The following BAIAP2L1 variants were observed in gnomAD, a reference collection of about 807,000 sequenced individuals.
BAIAP2L1 encodes the protein BAR/IMD domain-containing adapter protein 2-like 1.
A neutral mutation model predicts 66.3 loss-of-function variants in BAIAP2L1; 35 were observed. That is an observed-to-expected ratio of 0.53 (90% CI 0.40 to 0.70). BAIAP2L1 has a LOEUF of 0.70. Ranked by LOEUF, BAIAP2L1 falls within the 30% of genes least tolerant of loss-of-function variation. The pLI, the probability that BAIAP2L1 is intolerant of heterozygous loss-of-function variation, is 0.00. For synonymous variants in BAIAP2L1, 269 were observed against 248.7 expected, an observed-to-expected ratio of 1.08 and a Z score of -0.77; for missense variants, 622 against 656.9, an observed-to-expected ratio of 0.95 and a Z score of 0.58.
chr7:98,337,635 T>C (rs906524177), intron 3 of BAIAP2L1, among the ~76,000 whole-genome samples: 1 of 152,224 alleles, frequency 6.6e-6, no homozygotes, highest in African/African-American at 2.4e-5. Flanking sequence ...GTTGGGTATG[T>C]GGCCGGGCGC....
At chr7:98,304,095 C>G (rs892344466) in intron 12 of BAIAP2L1, 101 bp downstream of exon 12, 2 of 1,279,578 alleles carry the variant, frequency 1.6e-6, no homozygotes, top group African/African-American at 1.5e-5. Flanking sequence ...CACTCTCCCC[C>G]TGGGGACAGA....
chr7:98,314,620 A>C (rs1801003004), intron 7 of BAIAP2L1, among the ~76,000 whole-genome samples: 1 of 152,192 alleles, frequency 6.6e-6, no homozygotes, highest in Admixed American at 6.5e-5. Context: ...CATTCAGTTG[A>C]ATAAACCAGG....
chr7:98,351,693 A>G (rs1802004777), intron 3 of BAIAP2L1, among the ~76,000 whole-genome samples: 2 of 152,144 alleles, frequency 1.3e-5, no homozygotes, highest in South Asian at 4.1e-4. Flanking sequence ...ATAAACTGAC[A>G]ACCTGCTGCT....
intron 1 of BAIAP2L1, among the ~76,000 whole-genome samples, chr7:98,390,504 G>A (rs1048335059): frequency 5.9e-5 from 9 of 151,610 alleles, no homozygotes; most frequent in South Asian, 2.1e-4. Flanking sequence ...CGAGGCGGGC[G>A]GATCACAAGG....
chr7:98,335,868 C>A (rs903576740), intron 3 of BAIAP2L1, among the ~76,000 whole-genome samples: 2 of 152,138 alleles, frequency 1.3e-5, no homozygotes, highest in African/African-American at 4.8e-5. Flanking sequence ...TACAGAAGGG[C>A]TTGTCCCAAG....
intron 1 of BAIAP2L1, among the ~76,000 whole-genome samples, chr7:98,396,645 A>G (rs1424855721): frequency 6.6e-6 from 1 of 151,998 alleles, no homozygotes; most frequent in East Asian, 1.9e-4. Flanking sequence ...AAATGCAAAA[A>G]TTTGCCAGGC....
intron 1 of BAIAP2L1, among the ~76,000 whole-genome samples, chr7:98,397,835 T>C (rs1803252539): frequency 6.6e-6 from 1 of 152,140 alleles, no homozygotes; most frequent in Admixed American, 6.5e-5. Context: ...AACAGCAACA[T>C]TACTGGACAT....
At chr7:98,318,445 C>T (rs1241274627) in intron 5 of BAIAP2L1, among the ~76,000 whole-genome samples, 1 of 151,976 alleles carries the variant, frequency 6.6e-6, no homozygotes, top group East Asian at 2.0e-4. Flanking sequence ...CACACAACCA[C>T]GCCCGGCTGT....
At chr7:98,300,420 A>G (rs1800372978) in intron 12 of BAIAP2L1, among the ~76,000 whole-genome samples, 1 of 152,246 alleles carries the variant, frequency 6.6e-6, no homozygotes, top group African/African-American at 2.4e-5. Context: ...TGCGGGTGAC[A>G]GTTGCAGTCC....
chr7:98,347,421 C>T (rs955466727), intron 3 of BAIAP2L1, among the ~76,000 whole-genome samples: 9 of 152,082 alleles, frequency 5.9e-5, no homozygotes, highest in Admixed American at 2.0e-4. Context: ...TTTTATGATG[C>T]CATTACCATG....
chr7:98,306,350 C>T, intron 11 of BAIAP2L1, 89 bp downstream of exon 11: 1 of 1,481,960 alleles, frequency 6.7e-7, no homozygotes, highest in Non-Finnish European at 9.4e-7. Flanking sequence ...TAGGGCAGGG[C>T]CTGCGACACA....
intron 3 of BAIAP2L1, among the ~76,000 whole-genome samples, chr7:98,346,903 G>C (rs1801883440): frequency 6.6e-6 from 1 of 152,146 alleles, no homozygotes; most frequent in African/African-American, 2.4e-5. Context: ...ACGGCCACAG[G>C]AACTGAGTGA....
intron 6 of BAIAP2L1, among the ~76,000 whole-genome samples, chr7:98,315,913 G>C (rs563884041): frequency 6.6e-6 from 1 of 152,110 alleles, no homozygotes; most frequent in East Asian, 1.9e-4. Flanking sequence ...AAAGCACCAC[G>C]GGCTTTGGAA....
intron 3 of BAIAP2L1, among the ~76,000 whole-genome samples, chr7:98,341,209 A>G (rs1310146828): frequency 1.3e-5 from 2 of 152,198 alleles, no homozygotes; most frequent in Non-Finnish European, 2.9e-5. Context: ...CGCATTATAA[A>G]TGCTTCTAAG....
chr7:98,355,009 T>C, intron 3 of BAIAP2L1, 33 bp downstream of exon 3: 2 of 1,520,898 alleles, frequency 1.3e-6, no homozygotes, highest in Non-Finnish European at 1.8e-6. Context: ...GGATGACAAG[T>C]GGGGTTTATG....
intron 1 of BAIAP2L1, among the ~76,000 whole-genome samples, chr7:98,378,924 G>A (rs952780425): frequency 1.3e-5 from 2 of 151,948 alleles, no homozygotes; most frequent in South Asian, 2.1e-4. Context: ...TCCGCCTCCC[G>A]GTTCAAGCAA....
intron 2 of BAIAP2L1, among the ~76,000 whole-genome samples, chr7:98,360,238 A>AT (rs1354794628): frequency 2.0e-5 from 3 of 151,634 alleles, no homozygotes; most frequent in Non-Finnish European, 2.9e-5. Context: ...TAATTTTTAA[A>AT]TTTTTTTTGT....
rs1803030519 is a variant in BAIAP2L1 at position 98,391,079 on chromosome 7, T to C, written c.51+9723A>G. Among the ~76,000 whole-genome samples the C allele has an allele frequency of 3.3e-5, 5 of 151,372 alleles. No homozygotes were observed. In the South Asian group the frequency reaches 8.3e-4, roughly 25 times the overall value. On this transcript the variant is annotated intron_variant, in intron 1 of 13. Coordinates refer to ENST00000005260, the MANE Select transcript of BAIAP2L1 (RefSeq NM_018842.5). ...GGATGGTCTCGATCTCTTGACCTCA[T>C]GATCTGCCCGCCTCGGCCTCCCAAA... is the stretch of plus-strand genomic sequence containing the variant.
intron 1 of BAIAP2L1, chr7:98,386,223 TTCAA>T: frequency 6.5e-7 from 1 of 1,535,492 alleles, no homozygotes; most frequent in East Asian, 2.2e-5. Flanking sequence ...CAACGTGAGC[TTCAA>T]TCATTGTCTG....
Sources: gnomAD v4.1 joint callset for allele counts (sites outside exome capture counted in the v4.1 genomes callset) on GRCh38, gnomAD v4.1.1 for gene constraint, MANE v1.5 for transcripts, NCBI Gene and HGNC (gene_info 2026-07-23, HGNC 2026-07-21) for gene names.